The following IRF2 variants were observed in gnomAD, a reference collection of about 807,000 sequenced individuals.
IRF2 encodes interferon regulatory factor 2.
Under a neutral mutation model 40.6 loss-of-function variants are expected in IRF2, and 15 were observed. The observed-to-expected ratio is 0.37, with a 90% CI of 0.25 to 0.57. The LOEUF is 0.57. IRF2 is among the 20% of genes least tolerant of loss of function. IRF2 has a pLI of 0.77. For synonymous variants in IRF2, 151 were observed against 165.5 expected (o/e 0.91, Z 0.67); for missense variants, 317 against 455.7 (o/e 0.70, Z 2.77).
At chr4:184,401,868 G>A (rs906640608) in intron 6 of IRF2, among the ~76,000 whole-genome samples, 2 of 152,174 alleles carry the variant, frequency 1.3e-5, no homozygotes, top group African/African-American at 2.4e-5. Context: ...TCCTTTGCAC[G>A]TTGCTCCTAA....
chr4:184,463,985 G>A (rs1739232556), intron 1 of IRF2, among the ~76,000 whole-genome samples: 1 of 151,930 alleles, frequency 6.6e-6, no homozygotes, highest in African/African-American at 2.4e-5. Context: ...AGAATATAAA[G>A]GGAAAAAATG....
rs754285696 is a variant in IRF2, at chr4:184,388,974, C to T, written c.834G>A (p.Ala278=). The change falls in exon 9 of 9, where the codon GCG becomes GCA. Residue 278 remains alanine (A), a synonymous_variant. Transcript: ENST00000393593. This position sits in a 1 kb window ranked among gnomAD's most constrained non-coding sequence, Gnocchi z 4.6. ...CCGGTTTGTTGGAAGTGACGAAGGA[C>T]GCCATGCCGGGCAGCAGGTAGGAGC... ...TRGSYLLPGM[A]SFVTSNKPDL... is the part of the protein sequence containing the mutation. 1.5e-5 allele frequency: 25 copies of T among 1,614,072 alleles called. No homozygotes were observed. The highest frequency in any genetic ancestry group is 4.4e-5 in the South Asian group (4 of 91,088).
At chr4:184,401,943 G>T (rs1018575581) in intron 6 of IRF2, among the ~76,000 whole-genome samples, 28 of 152,178 alleles carry the variant, frequency 1.8e-4, no homozygotes, top group Non-Finnish European at 3.2e-4. Flanking sequence ...CCCCTAGTCA[G>T]ATCCCTTTGT....
At chr4:184,403,002 C>G (rs1736722610) in intron 6 of IRF2, among the ~76,000 whole-genome samples, 1 of 152,136 alleles carries the variant, frequency 6.6e-6, no homozygotes, top group Non-Finnish European at 1.5e-5. Context: ...ATGCGGCTGA[C>G]CAGGAGAGAA....
intron 6 of IRF2, among the ~76,000 whole-genome samples, chr4:184,401,718 G>A (rs973337085): frequency 1.3e-5 from 2 of 152,232 alleles, no homozygotes; most frequent in Non-Finnish European, 2.9e-5. Context: ...GCTGGTGGGT[G>A]GAGGTAGAAA....
chr4:184,416,327 A>ATCT (rs1737268316), intron 5 of IRF2, among the ~76,000 whole-genome samples: 1 of 140,724 alleles, frequency 7.1e-6, no homozygotes, highest in Non-Finnish European at 1.5e-5. Context: ...CAAAAAAAAA[A>ATCT]CAAAAAAAAA....
At chr4:184,407,812 A>G (rs933292029) in intron 6 of IRF2, among the ~76,000 whole-genome samples, 4 of 152,196 alleles carry the variant, frequency 2.6e-5, no homozygotes, top group African/African-American at 9.6e-5. Context: ...CGCGAGGACC[A>G]TCTTCCCTCT....
chr4:184,412,788 T>C (rs747045812), intron 5 of IRF2, among the ~76,000 whole-genome samples: 3 of 152,210 alleles, frequency 2.0e-5, no homozygotes, highest in Non-Finnish European at 4.4e-5. Flanking sequence ...CTCTTGACTT[T>C]TTCCCTTAGC....
intron 1 of IRF2, among the ~76,000 whole-genome samples, chr4:184,452,969 C>A (rs1738782303): frequency 6.6e-6 from 1 of 151,938 alleles, no homozygotes; most frequent in South Asian, 2.1e-4. Context: ...CCCTTGGACC[C>A]AGCCATGTCA....
intron 1 of IRF2, among the ~76,000 whole-genome samples, chr4:184,449,798 T>G (rs1431059451): frequency 6.6e-6 from 1 of 152,228 alleles, no homozygotes; most frequent in Non-Finnish European, 1.5e-5. Flanking sequence ...AGAAATGTAC[T>G]GATGTTCACC....
At chr4:184,472,559 A>AT (rs1321408201) in intron 1 of IRF2, 1 of 152,200 alleles carries the variant, frequency 6.6e-6, no homozygotes, top group Non-Finnish European at 1.5e-5. Flanking sequence ...AGTCACAGCC[A>AT]TAAGGAGGCC....
chr4:184,437,739 G>A (rs369603440), intron 1 of IRF2, among the ~76,000 whole-genome samples: 1 of 150,800 alleles, frequency 6.6e-6, no homozygotes, highest in Non-Finnish European at 1.5e-5. Context: ...TCAGTTTCAC[G>A]AGTCATGCAG....
At chr4:184,395,328 GC>G (rs1442229183) in intron 7 of IRF2, among the ~76,000 whole-genome samples, 2 of 147,638 alleles carry the variant, frequency 1.4e-5, no homozygotes, top group Admixed American at 6.9e-5. Context: ...CAGGAGAATG[GC>G]GTGAACCCGG....
chr4:184,414,148 C>T (rs752382050), intron 5 of IRF2, among the ~76,000 whole-genome samples: 1 of 152,224 alleles, frequency 6.6e-6, no homozygotes, highest in African/African-American at 2.4e-5. Flanking sequence ...AGGGAGAACT[C>T]AGTGAGACAA....
chr4:184,462,684 A>G (rs1164025508), intron 1 of IRF2, among the ~76,000 whole-genome samples: 1 of 152,212 alleles, frequency 6.6e-6, no homozygotes, highest in Non-Finnish European at 1.5e-5. Context: ...AACTGATAAT[A>G]TTTTTTAAAG....
chr4:184,464,131 C>T (rs1739240551), intron 1 of IRF2, among the ~76,000 whole-genome samples: 1 of 151,892 alleles, frequency 6.6e-6, no homozygotes, highest in African/African-American at 2.4e-5. Flanking sequence ...CATATGAAGA[C>T]AGCGACCATT....
chr4:184,407,397 G>T, intron 6 of IRF2: 1 of 400,292 alleles, frequency 2.5e-6, no homozygotes, highest in Non-Finnish European at 4.5e-6. Flanking sequence ...AGGAGAGAAG[G>T]AACATCAGAA....
chr4:184,416,555 T>G (rs1737284188), intron 5 of IRF2, among the ~76,000 whole-genome samples: 1 of 152,136 alleles, frequency 6.6e-6, no homozygotes, highest in East Asian at 1.9e-4. Context: ...CAACTGAAAC[T>G]CTGACCACTG....
chr4:184,396,105 T>A (rs1450260209), intron 7 of IRF2, among the ~76,000 whole-genome samples: 1 of 152,224 alleles, frequency 6.6e-6, no homozygotes, highest in African/African-American at 2.4e-5. Flanking sequence ...TAGAAGAAAG[T>A]CATGGGTTTT....
Sources: gnomAD v4.1 joint callset for allele counts (sites outside exome capture counted in the v4.1 genomes callset) on GRCh38, gnomAD v4.1.1 for gene constraint, Gnocchi (gnomAD v3.1) non-coding constraint, MANE v1.5 for transcripts, NCBI Gene and HGNC (gene_info 2026-07-23, HGNC 2026-07-21) for gene names.